Variants in CRIM1 observed in about 807,000 individuals in gnomAD.
CRIM1 encodes cysteine-rich motor neuron 1 protein.
Under a neutral mutation model 116.4 loss-of-function variants are expected in CRIM1, and 32 were observed. The observed-to-expected ratio is 0.27, with a 90% CI of 0.21 to 0.37. CRIM1 has a LOEUF of 0.37. Among genes scored for constraint, CRIM1 ranks in the 10% least tolerant of loss-of-function variants. CRIM1 has a pLI of 1.00. For synonymous variants in CRIM1, 590 were observed against 509.2 expected, an observed-to-expected ratio of 1.16 and a Z score of -2.13; for missense variants, 1,331 against 1,354.8, an observed-to-expected ratio of 0.98 and a Z score of 0.28.
chr2:36,469,402 A>G (rs3770857), intron 5 of CRIM1, among the ~76,000 whole-genome samples: 32,070 of 152,228 alleles, frequency 0.21, 3,774 homozygotes, highest in South Asian at 0.35. Flanking sequence ...ATTAAAATGC[A>G]GCACTAACAG....
At chr2:36,471,760 C>CACA in intron 5 of CRIM1, among the ~76,000 whole-genome samples, 1 of 134,422 alleles carries the variant, frequency 7.4e-6, no homozygotes, top group Non-Finnish European at 1.6e-5. Context: ...CACACACACA[C>CACA]CATCTTACAA....
chr2:36,506,333 T>C (rs896908641), intron 8 of CRIM1, among the ~76,000 whole-genome samples: 1 of 151,500 alleles, frequency 6.6e-6, no homozygotes, highest in African/African-American at 2.4e-5. Flanking sequence ...ACACAGAGAG[T>C]GGCCCCAACC....
At position 36,538,287 on chromosome 2, in the gene CRIM1, G is replaced by A. The variant is rs137870155; in HGVS notation, c.2623+741G>A. On this transcript the variant is annotated intron_variant, in intron 14 of 16. Coordinates refer to ENST00000280527, the MANE Select transcript of CRIM1 (RefSeq NM_016441.3). ...GCCAAACAATTCCTCTTTCCCCTGC[G>A]TCTAATCCCAGAAATGTAAGACCTG... Among the ~76,000 whole-genome samples the A allele has an allele frequency of 3.3e-3, 506 of 152,006 alleles. 2 individuals are homozygous for A. Among genetic ancestry groups the A allele is most frequent in the Middle Eastern group, 6.8e-3 (2 of 294 alleles).
At position 36,513,634 on chromosome 2, in the gene CRIM1, A is replaced by C. The variant is rs1222632999; in HGVS notation, c.1859A>C (p.Glu620Ala). 6 of 1,614,166 alleles carry C rather than the reference A, an allele frequency of 3.7e-6. No homozygotes were observed. The highest frequency in any genetic ancestry group is 5.1e-6 in the Non-Finnish European group (6 of 1,180,022). ...TVDGHHHKNE[E>A]SWHDGCRECY... ...GATGGTCATCATCATAAAAATGAGG[A>C]GAGCTGGCACGATGGGTGCCGGGAA... Residue 620 changes from glutamate to alanine, a missense_variant, in exon 11 of 17, where the codon GAG (glutamate) becomes GCG (alanine). Physicochemically the swap from Glu to Ala is moderately radical, Grantham distance 107. Coordinates refer to ENST00000280527, the MANE Select transcript of CRIM1 (RefSeq NM_016441.3).
chr2:36,424,807 C>G (rs540174164), intron 2 of CRIM1, among the ~76,000 whole-genome samples: 41 of 152,306 alleles, frequency 2.7e-4, no homozygotes, highest in Middle Eastern at 6.8e-3. Flanking sequence ...CTCACTTACA[C>G]TGATTTGATC....
At chr2:36,453,863 C>G (rs1023500841) in intron 4 of CRIM1, among the ~76,000 whole-genome samples, 1 of 152,098 alleles carries the variant, frequency 6.6e-6, no homozygotes. Context: ...TCAGAGTTCA[C>G]AAGATGGAGA....
chr2:36,481,971 A>C (rs1410404441), intron 7 of CRIM1, among the ~76,000 whole-genome samples: 1 of 152,138 alleles, frequency 6.6e-6, no homozygotes, highest in African/African-American at 2.4e-5. Flanking sequence ...TTTGAATGTG[A>C]TCGTCCACCT....
intron 7 of CRIM1, among the ~76,000 whole-genome samples, chr2:36,492,857 G>A (rs879557461): frequency 1.7e-4 from 26 of 151,950 alleles, no homozygotes; most frequent in Admixed American, 6.6e-4. Flanking sequence ...CCCAATCCCT[G>A]CCCAAAATAG....
chr2:36,423,088 C>A (rs569815473), intron 2 of CRIM1, among the ~76,000 whole-genome samples: 1 of 152,294 alleles, frequency 6.6e-6, no homozygotes, highest in East Asian at 1.9e-4. Flanking sequence ...TGTTTGATCT[C>A]TTAATTGTCT....
intron 4 of CRIM1, among the ~76,000 whole-genome samples, chr2:36,462,818 G>A (rs1677686633): frequency 6.6e-6 from 1 of 152,156 alleles, no homozygotes; most frequent in Non-Finnish European, 1.5e-5. Flanking sequence ...TAATGTTACT[G>A]TTATATCACA....
chr2:36,508,038 A>G (rs568310771), intron 8 of CRIM1, among the ~76,000 whole-genome samples: 1 of 152,390 alleles, frequency 6.6e-6, no homozygotes, highest in South Asian at 2.1e-4. Flanking sequence ...TTAGAGAAAC[A>G]TGACTAATAA....
chr2:36,515,849 T>G (rs61667774), intron 11 of CRIM1, among the ~76,000 whole-genome samples: 1,832 of 152,376 alleles, frequency 0.012, 38 homozygotes, highest in African/African-American at 0.042. Flanking sequence ...AAGCCCTTTT[T>G]GAAAGCAATA....
intron 7 of CRIM1, among the ~76,000 whole-genome samples, chr2:36,492,852 TC>T (rs1467744643): frequency 1.3e-5 from 2 of 151,876 alleles, no homozygotes; most frequent in African/African-American, 4.8e-5. Context: ...AACCCCCCAA[TC>T]CCTGCCCAAA....
intron 4 of CRIM1, among the ~76,000 whole-genome samples, chr2:36,462,758 A>G (rs1299735835): frequency 6.6e-6 from 1 of 152,232 alleles, no homozygotes; most frequent in Non-Finnish European, 1.5e-5. Flanking sequence ...TATAAACTCC[A>G]GAGAGTTTTA....
At chr2:36,508,141 A>G (rs778480697) in intron 8 of CRIM1, among the ~76,000 whole-genome samples, 8 of 152,236 alleles carry the variant, frequency 5.3e-5, no homozygotes, top group Non-Finnish European at 7.3e-5. Flanking sequence ...TGAACCATTT[A>G]GAATTTCTCT....
intron 7 of CRIM1, among the ~76,000 whole-genome samples, chr2:36,489,497 T>C (rs1680071432): frequency 6.6e-6 from 1 of 152,172 alleles, no homozygotes; most frequent in African/African-American, 2.4e-5. Context: ...TTAGACGAAT[T>C]CCACAGGGGG....
At chr2:36,382,787 A>G (rs1309987742) in intron 1 of CRIM1, among the ~76,000 whole-genome samples, 2 of 152,202 alleles carry the variant, frequency 1.3e-5, no homozygotes, top group African/African-American at 4.8e-5. Context: ...AAAGCAATGG[A>G]ATGAACAATG....
At position 36,356,840 on chromosome 2, in the gene CRIM1, T is replaced by G. The variant is rs1310310061; in HGVS notation, c.331+217T>G. Among the ~76,000 whole-genome samples the G allele has an allele frequency of 1.3e-5, 2 of 152,102 alleles. No homozygotes were observed. Among genetic ancestry groups the G allele is most frequent in the African/African-American group, 4.8e-5 (2 of 41,418 alleles). On this transcript the variant is annotated intron_variant, in intron 1 of 16. Transcript: ENST00000280527. This position sits in a 1 kb window ranked among gnomAD's most constrained non-coding sequence, Gnocchi z 4.3. ...CAGTCGCGGGCGAGGTTGGGTATGG[T>G]GGGTGGGGGCGAGCGAGTGGAGGAT...
At chr2:36,371,133 G>T (rs1465373588) in intron 1 of CRIM1, among the ~76,000 whole-genome samples, 1 of 152,154 alleles carries the variant, frequency 6.6e-6, no homozygotes, top group Non-Finnish European at 1.5e-5. Context: ...TCAGGTTTCA[G>T]ACGCCCCCAT....
Sources: allele counts gnomAD v4.1 joint callset (sites outside exome capture counted in the v4.1 genomes callset), GRCh38; gene constraint gnomAD v4.1.1; non-coding constraint Gnocchi (gnomAD v3.1); transcripts MANE v1.5; gene names NCBI Gene and HGNC (gene_info 2026-07-23, HGNC 2026-07-21).